The following DLG2 variants were observed in gnomAD, a reference collection of about 807,000 sequenced individuals.
DLG2 encodes disks large homolog 2.
In DLG2, 45 loss-of-function variants were observed where a neutral mutation model predicts 132.5. The ratio of observed to expected loss-of-function variants is 0.34; its 90% CI spans 0.27 to 0.44. DLG2 has a LOEUF of 0.44. Ranked by LOEUF, DLG2 falls within the 20% of genes least tolerant of loss-of-function variation. The pLI, the probability that DLG2 is intolerant of heterozygous loss-of-function variation, is 1.00. For missense variants in DLG2, 1,045 were observed against 1,196.9 expected (o/e 0.87, Z 1.87); for synonymous variants, 424 against 419.6 (o/e 1.01, Z -0.13).
Position 83,455,248 on chromosome 11 carries a change from G to A in DLG2, c.*4570C>T, listed in dbSNP as rs776489711. 3.9e-5 allele frequency: 6 copies of A among 152,632 alleles called. No homozygotes were observed. The highest frequency in any genetic ancestry group is 7.3e-5 in the Non-Finnish European group (5 of 68,042). The allele number at this position is 152,632 out of a possible 1,614,324, so 9.5% of individuals were successfully genotyped here. A position where few individuals can be genotyped will look rare whatever the true frequency, so the allele number is the denominator to read the frequency against. ...TGTTGAATATTTACACTTAACAGGA[G>A]TGTAAGCTGTGCAGTGTCTCTGTAA... On this transcript the variant is annotated 3_prime_UTR_variant, in exon 28 of 28. Coordinates refer to ENST00000376104, the MANE Select transcript of DLG2 (RefSeq NM_001142699.3).
chr11:83,551,814 A>T (rs2096397555), intron 19 of DLG2, among the ~76,000 whole-genome samples: 1 of 152,198 alleles, frequency 6.6e-6, no homozygotes, highest in South Asian at 2.1e-4. Context: ...AAATGAGATA[A>T]TATTCATTTA....
chr11:83,803,085 A>C (rs1434671771), intron 17 of DLG2, among the ~76,000 whole-genome samples: 1 of 152,194 alleles, frequency 6.6e-6, no homozygotes, highest in African/African-American at 2.4e-5. Flanking sequence ...AGGCAAATTT[A>C]AAATATGATA....
intron 6 of DLG2, among the ~76,000 whole-genome samples, chr11:84,730,108 A>G (rs1053219003): frequency 1.3e-5 from 2 of 152,174 alleles, no homozygotes; most frequent in East Asian, 1.9e-4. Flanking sequence ...AAATTCAAAT[A>G]AAAGAAGAAC....
At chr11:84,504,279 A>G (rs1238229329) in intron 7 of DLG2, among the ~76,000 whole-genome samples, 10 of 152,166 alleles carry the variant, frequency 6.6e-5, no homozygotes, top group Admixed American at 6.5e-4. Context: ...GAAATGTTTC[A>G]ACAACTTACT....
chr11:85,611,542 T>C (rs576821883), intron 2 of DLG2, among the ~76,000 whole-genome samples: 51 of 152,378 alleles, frequency 3.3e-4, no homozygotes, highest in African/African-American at 1.2e-3. Context: ...AATGGGATAC[T>C]ACGGGCAGGT....
chr11:85,568,171 T>G (rs972007252), intron 3 of DLG2, among the ~76,000 whole-genome samples: 10 of 152,008 alleles, frequency 6.6e-5, no homozygotes, highest in African/African-American at 2.4e-4. Flanking sequence ...TGCACCACCA[T>G]GCCTGGCTAA....
At chr11:84,309,048 G>A (rs890082214) in intron 7 of DLG2, among the ~76,000 whole-genome samples, 6 of 152,188 alleles carry the variant, frequency 3.9e-5, no homozygotes, top group Non-Finnish European at 8.8e-5. Context: ...GGCAGAGGAG[G>A]CACCGAGAGC....
chr11:84,556,125 C>CA (rs956775503), intron 6 of DLG2, among the ~76,000 whole-genome samples: 10 of 151,872 alleles, frequency 6.6e-5, no homozygotes, highest in East Asian at 1.9e-4. Flanking sequence ...TAAGAAGTAA[C>CA]AAAAAAAATG....
chr11:85,433,416 A>T (rs2091302965), intron 3 of DLG2, among the ~76,000 whole-genome samples: 1 of 152,158 alleles, frequency 6.6e-6, no homozygotes, highest in Non-Finnish European at 1.5e-5. Context: ...TATTCAAGAG[A>T]CCCATTTCAT....
At chr11:83,462,122 A>C in intron 26 of DLG2, 29 bp from the exon 27 acceptor site, 1 of 1,374,958 alleles carries the variant, frequency 7.3e-7, no homozygotes, top group Non-Finnish European at 1.0e-6. Context: ...GTATTAGAAC[A>C]TAAAGGGAAT....
At chr11:84,505,836 G>T (rs942014616) in intron 7 of DLG2, among the ~76,000 whole-genome samples, 3 of 152,038 alleles carry the variant, frequency 2.0e-5, no homozygotes, top group Non-Finnish European at 2.9e-5. Context: ...ACAAAAAAAT[G>T]TAAGATGTAT....
intron 6 of DLG2, among the ~76,000 whole-genome samples, chr11:84,618,639 T>G (rs1488019471): frequency 1.3e-5 from 2 of 152,002 alleles, no homozygotes; most frequent in African/African-American, 4.8e-5. Flanking sequence ...TGGCTCAAAC[T>G]CAGAAGAGTC....
At chr11:85,541,720 T>C (rs986918148) in intron 3 of DLG2, among the ~76,000 whole-genome samples, 2 of 152,044 alleles carry the variant, frequency 1.3e-5, no homozygotes, top group African/African-American at 2.4e-5. Flanking sequence ...CACCACCTTC[T>C]AATTAAAAGA....
At chr11:83,819,469 C>CAAAAAAAAAAATAAAAAAA (rs2050077895) in intron 17 of DLG2, among the ~76,000 whole-genome samples, 1 of 28,128 alleles carries the variant, frequency 3.6e-5, no homozygotes, top group Non-Finnish European at 6.2e-5. Flanking sequence ...GACTCTATCT[C>CAAAAAAAAAAATAAAAAAA]AAAAAAAAAA....
chr11:85,339,131 C>T (rs972595405), intron 3 of DLG2, among the ~76,000 whole-genome samples: 5 of 151,988 alleles, frequency 3.3e-5, no homozygotes, highest in Non-Finnish European at 7.4e-5. Context: ...TTGAGCTTTG[C>T]TTTTTTTATT....
intron 7 of DLG2, among the ~76,000 whole-genome samples, chr11:84,333,208 C>T (rs189911494): frequency 1.3e-5 from 2 of 152,268 alleles, no homozygotes; most frequent in African/African-American, 2.4e-5. Flanking sequence ...TTGGAAATTG[C>T]GTTGCTAAAT....
intron 17 of DLG2, among the ~76,000 whole-genome samples, chr11:83,811,377 T>C (rs1319015416): frequency 6.6e-6 from 1 of 152,112 alleles, no homozygotes; most frequent in Admixed American, 6.6e-5. Flanking sequence ...TGTATTAGGT[T>C]GAACCACACA....
chr11:85,215,806 C>T (rs2082552086), intron 4 of DLG2, among the ~76,000 whole-genome samples: 1 of 152,040 alleles, frequency 6.6e-6, no homozygotes, highest in Admixed American at 6.6e-5. Flanking sequence ...CATTAATAAA[C>T]TTGTTTGTTT....
chr11:83,863,149 AC>A (rs1328466498), intron 16 of DLG2, among the ~76,000 whole-genome samples: 1 of 152,176 alleles, frequency 6.6e-6, no homozygotes, highest in East Asian at 1.9e-4. Context: ...TCTGGAAGGA[AC>A]CTATGTGTGT....
Sources: allele counts gnomAD v4.1 joint callset (sites outside exome capture counted in the v4.1 genomes callset), GRCh38; gene constraint gnomAD v4.1.1; transcripts MANE v1.5; gene names NCBI Gene and HGNC (gene_info 2026-07-23, HGNC 2026-07-21).